Variants in ACOX3 observed in about 807,000 individuals in gnomAD.
ACOX3 encodes peroxisomal acyl-coenzyme A oxidase 3.
A neutral mutation model predicts 81.5 loss-of-function variants in ACOX3; 73 were observed. The ratio of observed to expected loss-of-function variants is 0.90; its 90% CI spans 0.74 to 1.09. The LOEUF (loss-of-function observed/expected upper bound fraction) is 1.09. Among genes scored for constraint, ACOX3 ranks in the 50% least tolerant of loss-of-function variants. The pLI is 0.00. For synonymous variants in ACOX3, 387 were observed against 375.1 expected, an observed-to-expected ratio of 1.03 and a Z score of -0.37; for missense variants, 947 against 928.0, an observed-to-expected ratio of 1.02 and a Z score of -0.27.
intron 1 of ACOX3, among the ~76,000 whole-genome samples, chr4:8,435,899 G>A (rs1038909676): frequency 6.6e-6 from 1 of 151,996 alleles, no homozygotes; most frequent in African/African-American, 2.4e-5. Context: ...CGAGATTAAG[G>A]AGCTAACATG....
chr4:8,371,940 G>A (rs1056010678), intron 16 of ACOX3, among the ~76,000 whole-genome samples: 1 of 152,262 alleles, frequency 6.6e-6, no homozygotes, highest in African/African-American at 2.4e-5. Context: ...GTGAACGGCA[G>A]GATTGGACTG....
intron 1 of ACOX3, among the ~76,000 whole-genome samples, chr4:8,420,159 A>T (rs1397915851): frequency 6.6e-6 from 1 of 152,206 alleles, no homozygotes; most frequent in Non-Finnish European, 1.5e-5. Context: ...ATTATCAAGC[A>T]CAGCTGGCTC....
Position 8,416,766 on chromosome 4 carries a change from G to C in ACOX3, c.-14-231C>G, listed in dbSNP as rs1348944863. 2.6e-5 allele frequency among the ~76,000 whole-genome samples: 4 copies of C among 152,252 alleles called. No individual in the cohort carries two copies. Among genetic ancestry groups the C allele is most frequent in the African/African-American group, 9.6e-5 (4 of 41,474 alleles). On this transcript the variant is annotated intron_variant, in intron 1 of 17. Coordinates refer to ENST00000356406, the MANE Select transcript of ACOX3 (RefSeq NM_003501.3). The surrounding 1 kb of genome is among the most constrained non-coding windows in gnomAD (Gnocchi z 4.2). ...ACACAGATGCCAAGGACACAGAAGA[G>C]AGCCAGGCACAGCCTGGGGGTCACC...
intron 1 of ACOX3, chr4:8,438,990 A>G (rs748123751): frequency 1.2e-4 from 18 of 152,256 alleles, no homozygotes; most frequent in Admixed American, 1.0e-3. Flanking sequence ...CTAGTCACGC[A>G]CTGGCAGCTG....
At chr4:8,360,763 C>A in the ACOX3 span, among the ~76,000 whole-genome samples, 8 of 152,278 alleles carry the variant, frequency 5.3e-5, no homozygotes, top group Non-Finnish European at 7.3e-5. Flanking sequence ...TGAGCCACTG[C>A]GCCCAACCTG....
At position 8,382,983 on chromosome 4, in the gene ACOX3, T is replaced by C. The variant is rs1578879950; in HGVS notation, c.1538-1376A>G. ...TCCAGCCTGGGCGACAGAGCGAGAC[T>C]CCGTCTCAAAAAAAAAAAAAAAAGA... On this transcript the variant is annotated intron_variant, in intron 13 of 17. Coordinates refer to ENST00000356406, the MANE Select transcript of ACOX3 (RefSeq NM_003501.3). The surrounding 1 kb of genome is among the most constrained non-coding windows in gnomAD (Gnocchi z 4.1). 9.8e-6 allele frequency among the ~76,000 whole-genome samples: 1 copy of C among 102,464 alleles called. No homozygotes were observed. Among genetic ancestry groups the C allele is most frequent in the African/African-American group, 3.7e-5 (1 of 27,198 alleles). 67.2% of individuals were successfully genotyped at this position (102,464 alleles called of 152,430 possible).
In ACOX3 at chr4:8,399,215, C is replaced by G. The variant is rs541286115; in HGVS notation, c.873+341G>C. Among the ~76,000 whole-genome samples the G allele has an allele frequency of 2.0e-5, 3 of 152,156 alleles. No individual in the cohort carries two copies. Among genetic ancestry groups the G allele is most frequent in the African/African-American group, 7.2e-5 (3 of 41,442 alleles). On this transcript the variant is annotated intron_variant, in intron 8 of 17. Coordinates refer to ENST00000356406, the MANE Select transcript of ACOX3 (RefSeq NM_003501.3). The surrounding 1 kb of genome is among the most constrained non-coding windows in gnomAD (Gnocchi z 4.9). ...CTGGACACCGGGGAACTCTGTTTGTCGTCCCCCTTTGTGGACAGTTCGCCA... is the reference window on the plus strand; with the variant it reads ...CTGGACACCGGGGAACTCTGTTTGTGGTCCCCCTTTGTGGACAGTTCGCCA...
chr4:8,434,259 G>T (rs1724102319), intron 1 of ACOX3, among the ~76,000 whole-genome samples: 1 of 152,214 alleles, frequency 6.6e-6, no homozygotes, highest in Admixed American at 6.5e-5. Flanking sequence ...AACAGGCCAA[G>T]AATTTCTTTT....
chr4:8,435,577 G>A (rs531377030), intron 1 of ACOX3, among the ~76,000 whole-genome samples: 1 of 152,334 alleles, frequency 6.6e-6, no homozygotes, highest in African/African-American at 2.4e-5. Flanking sequence ...GGAACAATTG[G>A]CCATGTATTT....
intron 1 of ACOX3, among the ~76,000 whole-genome samples, chr4:8,433,545 G>A (rs1724067770): frequency 6.6e-6 from 1 of 152,212 alleles, no homozygotes; most frequent in East Asian, 1.9e-4. Flanking sequence ...GGAAAACTAA[G>A]ATAGCATAAA....
chr4:8,355,512 G>A, the ACOX3 span: 4 of 152,182 alleles, frequency 2.6e-5, no homozygotes, highest in African/African-American at 9.7e-5. Context: ...AAGCATTTCA[G>A]ATCCTTGTCT....
At chr4:8,427,480 C>A (rs149755188) in intron 1 of ACOX3, among the ~76,000 whole-genome samples, 4 of 152,204 alleles carry the variant, frequency 2.6e-5, no homozygotes, top group Admixed American at 6.5e-5. Context: ...GTGTCCACTG[C>A]GCTTCTGATC....
In ACOX3 at chr4:8,366,862, A is replaced by G; in HGVS notation, c.*99T>C. 1 of 1,516,740 alleles carries G rather than the reference A, an allele frequency of 6.6e-7. No homozygotes were observed. Among genetic ancestry groups the G allele is most frequent in the Non-Finnish European group, 9.0e-7 (1 of 1,111,324 alleles). 94.0% of individuals were successfully genotyped at this position (1,516,740 alleles called of 1,614,324 possible). On this transcript the variant is annotated 3_prime_UTR_variant, in exon 18 of 18. Coordinates refer to ENST00000356406, the MANE Select transcript of ACOX3 (RefSeq NM_003501.3). ...GCGCACAGGTGCGGGCTCAGAAAGC[A>G]GCAGCAATCTCCGGCGTGTTCTGGA...
chr4:8,436,776 G>A (rs1166913160), intron 1 of ACOX3, among the ~76,000 whole-genome samples: 2 of 151,138 alleles, frequency 1.3e-5, no homozygotes, highest in African/African-American at 4.9e-5. Context: ...GAGGTCAGGA[G>A]ATCGAGACCA....
rs115748638 is a variant in ACOX3, at chr4:8,371,481, A to G, written c.1897-487T>C. 7.3e-4 allele frequency among the ~76,000 whole-genome samples: 111 copies of G among 152,382 alleles called. 1 individual carries two copies. Among genetic ancestry groups the G allele is most frequent in the African/African-American group, 2.4e-3 (101 of 41,598 alleles). ...CATTCCACTGGACAAATTATTCTTC[A>G]ATATGACACATGAAATTTATATGAG... On this transcript the variant is annotated intron_variant, in intron 16 of 17. Transcript: ENST00000356406.
At chr4:8,436,460 G>C (rs1333366164) in intron 1 of ACOX3, 1 of 152,074 alleles carries the variant, frequency 6.6e-6, no homozygotes. Context: ...ACTGCATGGA[G>C]AATTATATTT....
chr4:8,435,702 A>G (rs1724198962), intron 1 of ACOX3, among the ~76,000 whole-genome samples: 1 of 152,210 alleles, frequency 6.6e-6, no homozygotes, highest in Non-Finnish European at 1.5e-5. Context: ...CCTGTTTAAC[A>G]GCTTATTGCA....
Position 8,386,685 on chromosome 4 carries a change from G to A in ACOX3, c.1537+2488C>T, listed in dbSNP as rs572267602. ...AGATCTGCACGGTTAGTTACCGTCA[G>A]AAGCTGTAACCCAGCGCAGTGACCA... On this transcript the variant is annotated intron_variant, in intron 13 of 17. Coordinates refer to ENST00000356406, the MANE Select transcript of ACOX3 (RefSeq NM_003501.3). The surrounding 1 kb of genome is among the most constrained non-coding windows in gnomAD (Gnocchi z 5.2). Among the ~76,000 whole-genome samples the A allele has an allele frequency of 3.0e-4, 46 of 152,260 alleles. No homozygotes were observed. Among genetic ancestry groups the A allele is most frequent in the Non-Finnish European group, 5.7e-4 (39 of 68,022 alleles).
rs1272087659 is a variant in ACOX3, at chr4:8,394,061, T to G, written c.1179+559A>C. On this transcript the variant is annotated intron_variant, in intron 10 of 17. Transcript: ENST00000356406. This position sits in a 1 kb window ranked among gnomAD's most constrained non-coding sequence, Gnocchi z 5.9. ...ACAGCAATCTGTGGCGTTTCTCCTCTGCTTTCAAACACGGTTATTTCTTTT... is the reference window on the plus strand; with the variant it reads ...ACAGCAATCTGTGGCGTTTCTCCTCGGCTTTCAAACACGGTTATTTCTTTT... Among the ~76,000 whole-genome samples, 2 of 152,244 alleles carry G rather than the reference T, an allele frequency of 1.3e-5. No individual in the cohort carries two copies. The highest frequency in any genetic ancestry group is 2.9e-5 in the Non-Finnish European group (2 of 68,036).
Sources: allele counts gnomAD v4.1 joint callset (sites outside exome capture counted in the v4.1 genomes callset), GRCh38; gene constraint gnomAD v4.1.1; non-coding constraint Gnocchi (gnomAD v3.1); transcripts MANE v1.5; gene names NCBI Gene and HGNC (gene_info 2026-07-23, HGNC 2026-07-21).